The following EGF variants were observed in gnomAD, a reference collection of about 807,000 sequenced individuals.
EGF encodes epidermal growth factor, also known as pro-epidermal growth factor.
A neutral mutation model predicts 143.8 loss-of-function variants in EGF; 95 were observed. That is an observed-to-expected ratio of 0.66 (90% confidence interval 0.56 to 0.78). The LOEUF (loss-of-function observed/expected upper bound fraction) is 0.78. EGF is among the 30% of genes least tolerant of loss of function. The probability of loss-of-function intolerance (pLI) is 0.00; values close to 1 mark genes in which losing one functional copy is unlikely to be tolerated. For synonymous variants in EGF, 510 were observed against 510.5 expected, an observed-to-expected ratio of 1.00 and a Z score of 0.01; for missense variants, 1,320 against 1,470.9, an observed-to-expected ratio of 0.90 and a Z score of 1.68.
intron 12 of EGF, among the ~76,000 whole-genome samples, 164 bp downstream of exon 12, chr4:109,974,971 A>G (rs1748255287): frequency 6.6e-6 from 1 of 152,224 alleles, no homozygotes; most frequent in Admixed American, 6.5e-5. Context: ...CTATTCTTGT[A>G]TAATAATTTT....
intron 15 of EGF, among the ~76,000 whole-genome samples, chr4:109,981,850 A>G (rs997680115): frequency 7.2e-5 from 11 of 152,130 alleles, no homozygotes; most frequent in Non-Finnish European, 1.6e-4. Flanking sequence ...ATAGAGTGTT[A>G]AAAAGCTGTG....
chr4:109,964,830 C>T (rs1746289951), intron 10 of EGF, among the ~76,000 whole-genome samples: 1 of 152,086 alleles, frequency 6.6e-6, no homozygotes, highest in Non-Finnish European at 1.5e-5. Context: ...GGATGGGAGA[C>T]TAGCACAGTG....
intron 8 of EGF, among the ~76,000 whole-genome samples, chr4:109,962,602 T>C (rs942782348): frequency 1.2e-4 from 19 of 152,168 alleles, no homozygotes; most frequent in Admixed American, 7.9e-4. Context: ...GCCAGTGCAC[T>C]TGCTCCTGAA....
At chr4:110,005,036 C>CTTTTTTTTTT (rs538062029) in intron 22 of EGF, among the ~76,000 whole-genome samples, 13 of 80,740 alleles carry the variant, frequency 1.6e-4, no homozygotes, top group South Asian at 5.9e-4. Flanking sequence ...TTTTCTCTGT[C>CTTTTTTTTTT]TTTTTTTTTT....
chr4:109,939,021 C>T (rs1579526085), intron 1 of EGF, among the ~76,000 whole-genome samples: 1 of 152,154 alleles, frequency 6.6e-6, no homozygotes, highest in Non-Finnish European at 1.5e-5. Context: ...GGATCTCAAA[C>T]GCTGTGCTGG....
chr4:109,995,570 T>C (rs1022453066), intron 20 of EGF, among the ~76,000 whole-genome samples: 14 of 152,192 alleles, frequency 9.2e-5, no homozygotes, highest in Non-Finnish European at 1.9e-4. Flanking sequence ...GTGGACCCTT[T>C]AACAAAACCC....
intron 1 of EGF, among the ~76,000 whole-genome samples, chr4:109,932,785 A>G (rs1740021887): frequency 1.3e-5 from 2 of 152,200 alleles, no homozygotes; most frequent in African/African-American, 4.8e-5. Context: ...CATAGACTAT[A>G]GAGCATGCAT....
intron 2 of EGF, among the ~76,000 whole-genome samples, chr4:109,941,857 T>C (rs1002936879): frequency 6.6e-6 from 1 of 152,258 alleles, no homozygotes; most frequent in African/African-American, 2.4e-5. Context: ...CCTTAATCTT[T>C]CTTTTTAGCT....
intron 16 of EGF, among the ~76,000 whole-genome samples, chr4:109,987,405 T>G (rs546731059): frequency 1.3e-5 from 2 of 152,118 alleles, no homozygotes; most frequent in South Asian, 4.1e-4. Flanking sequence ...CTGATTCTCC[T>G]ACCTCAGCCC....
chr4:109,980,833 T>C lies in EGF; in HGVS notation c.2229T>C (p.Asp743=). The C allele has an allele frequency of 6.2e-7, 1 of 1,614,076 alleles. No homozygotes were observed. The highest frequency in any genetic ancestry group is 8.5e-7 in the Non-Finnish European group (1 of 1,179,946). The change falls in exon 15 of 24, where the codon GAT becomes GAC. Residue 743 remains aspartate (D), a synonymous_variant. Coordinates refer to ENST00000265171, the MANE Select transcript of EGF (RefSeq NM_001963.6). Reference sequence around the variant, plus strand: ...GTTTCTTTTCTCTACTAGGAGCAGATCCCTGCTTATATCAAAACGGAGGCT... The same window carrying C: ...GTTTCTTTTCTCTACTAGGAGCAGACCCCTGCTTATATCAAAACGGAGGCT... ...VVHPLAKPGA[D]PCLYQNGGCE...
chr4:109,959,559 A>G, intron 6 of EGF, 122 bp downstream of exon 6: 2 of 1,474,774 alleles, frequency 1.4e-6, no homozygotes, highest in Non-Finnish European at 1.9e-6. Flanking sequence ...AACCAACTTC[A>G]AGTCCATTCT....
intron 1 of EGF, among the ~76,000 whole-genome samples, chr4:109,929,989 T>C (rs965968167): frequency 2.0e-5 from 3 of 152,216 alleles, no homozygotes; most frequent in Non-Finnish European, 4.4e-5. Flanking sequence ...AGTGGTGTTC[T>C]CCTAATAGTG....
intron 1 of EGF, among the ~76,000 whole-genome samples, chr4:109,924,537 A>G (rs1024164319): frequency 4.6e-5 from 7 of 152,096 alleles, no homozygotes; most frequent in Admixed American, 4.6e-4. Flanking sequence ...TCACTGATCC[A>G]CATACACAGG....
chr4:109,993,477 A>C, intron 19 of EGF, 108 bp downstream of exon 19: 1 of 1,510,514 alleles, frequency 6.6e-7, no homozygotes, highest in Non-Finnish European at 9.0e-7. Context: ...CAGTTCAGGC[A>C]GGCTGCAGAG....
chr4:109,997,704 C>T (rs548977297), intron 20 of EGF, among the ~76,000 whole-genome samples: 11 of 152,128 alleles, frequency 7.2e-5, no homozygotes, highest in Non-Finnish European at 1.3e-4. Context: ...CCCGCCTGGG[C>T]CTCCCAAAGT....
At chr4:109,951,293 G>A (rs886092270) in intron 5 of EGF, among the ~76,000 whole-genome samples, 2 of 152,126 alleles carry the variant, frequency 1.3e-5, no homozygotes, top group African/African-American at 4.8e-5. Context: ...AAGGGGCAGA[G>A]GTTTCAGTGA....
intron 8 of EGF, among the ~76,000 whole-genome samples, chr4:109,962,601 C>T (rs929241627): frequency 1.3e-5 from 2 of 152,296 alleles, no homozygotes; most frequent in East Asian, 3.9e-4. Context: ...TGCCAGTGCA[C>T]TTGCTCCTGA....
chr4:110,006,046 G>C (rs1161131636), intron 22 of EGF, among the ~76,000 whole-genome samples: 2 of 143,830 alleles, frequency 1.4e-5, no homozygotes, highest in Non-Finnish European at 3.0e-5. Flanking sequence ...CAAGTATGGG[G>C]GAAAAAAATA....
At chr4:109,948,849 T>C (rs905226047) in intron 5 of EGF, among the ~76,000 whole-genome samples, 31 of 152,202 alleles carry the variant, frequency 2.0e-4, no homozygotes, top group African/African-American at 7.2e-4. Flanking sequence ...ATATTATGCC[T>C]AAATTGCAGC....
Sources: gnomAD v4.1 joint callset for allele counts (sites outside exome capture counted in the v4.1 genomes callset) on GRCh38, gnomAD v4.1.1 for gene constraint, MANE v1.5 for transcripts, NCBI Gene and HGNC (gene_info 2026-07-23, HGNC 2026-07-21) for gene names.